TMEM106B: variants seen among roughly 807,000 people sequenced by gnomAD.
TMEM106B encodes transmembrane protein 106B.
In TMEM106B, 15 loss-of-function variants were observed where a neutral mutation model predicts 31.1. The observed-to-expected ratio is 0.48, with a 90% confidence interval of 0.32 to 0.74. The LOEUF is 0.74. Ranked by LOEUF, TMEM106B falls within the 30% of genes least tolerant of loss-of-function variation. The pLI is 0.03. For missense variants in TMEM106B, 283 were observed against 327.3 expected, an observed-to-expected ratio of 0.86 and a Z score of 1.04; for synonymous variants, 126 against 112.5, an observed-to-expected ratio of 1.12 and a Z score of -0.76.
intron 2 of TMEM106B, 51 bp downstream of exon 2, chr7:12,215,078 A>T: frequency 6.6e-7 from 1 of 1,514,998 alleles, no homozygotes; most frequent in Admixed American, 1.9e-5. Flanking sequence ...GTATTTGCTC[A>T]AGTATTATAA....
rs538187488 is a variant in TMEM106B at position 12,233,214 on chromosome 7, A to C, written c.*1239A>C. 1.5e-3 allele frequency: 211 copies of C among 144,462 alleles called. 1 individual carries two copies. Among genetic ancestry groups the C allele is most frequent in the African/African-American group, 5.0e-3 (195 of 39,160 alleles). The allele number at this position is 144,462 out of a possible 1,614,324, so 8.9% of individuals were successfully genotyped here. On this transcript the variant is annotated 3_prime_UTR_variant, in exon 8 of 8. Transcript: ENST00000396668. Reference sequence around the variant, plus strand: ...TTGACTTATTCAACTTTGCTGTTTTATATTTTCAGTATCATTTTTCATTTT... The same window carrying C: ...TTGACTTATTCAACTTTGCTGTTTTCTATTTTCAGTATCATTTTTCATTTT...
At chr7:12,220,837 A>ATG (rs1163296787) in intron 3 of TMEM106B, among the ~76,000 whole-genome samples, 2 of 152,220 alleles carry the variant, frequency 1.3e-5, no homozygotes, top group African/African-American at 4.8e-5. Context: ...ACTGGAAACA[A>ATG]TGTAAATACC....
intron 4 of TMEM106B, among the ~76,000 whole-genome samples, chr7:12,229,181 A>G (rs1040472357): frequency 5.3e-5 from 8 of 152,058 alleles, no homozygotes; most frequent in African/African-American, 1.9e-4. Context: ...ACAGTTGTAA[A>G]TTAGAAATGT....
rs1423017143 is a variant in TMEM106B, at chr7:12,240,382, A to C, written c.*8407A>C. 1.3e-5 allele frequency: 2 copies of C among 152,184 alleles called. No individual in the cohort carries two copies. Among genetic ancestry groups the C allele is most frequent in the Non-Finnish European group, 2.9e-5 (2 of 68,036 alleles). The allele number at this position is 152,184 out of a possible 1,614,324, so 9.4% of individuals were successfully genotyped here. A position where few individuals can be genotyped will look rare whatever the true frequency, so the allele number is the denominator to read the frequency against. ...TTTTCTGAATGTTTACTTTTAAAGG[A>C]GTTGCCCAGTCACAAAGTTTGAGCC... On this transcript the variant is annotated 3_prime_UTR_variant, in exon 8 of 8. Coordinates refer to ENST00000396668, the MANE Select transcript of TMEM106B (RefSeq NM_001134232.2).
In TMEM106B at chr7:12,239,499, G is replaced by C. The variant is rs765268410; in HGVS notation, c.*7524G>C. ...CTTTTCCTTTGCCTTCACAACTTGT[G>C]CAAGAGACCTAGCTTTCAGCCTATC... On this transcript the variant is annotated 3_prime_UTR_variant, in exon 8 of 8. Transcript: ENST00000396668. 1 of 152,114 alleles carries C rather than the reference G, an allele frequency of 6.6e-6. No individual in the cohort carries two copies. Among genetic ancestry groups the C allele is most frequent in the Non-Finnish European group, 1.5e-5 (1 of 68,020 alleles). 9.4% of individuals were successfully genotyped at this position (152,114 alleles called of 1,614,324 possible).
At position 12,234,964 on chromosome 7, in the gene TMEM106B, A is replaced by G. The variant is rs990428693; in HGVS notation, c.*2989A>G. 1 of 151,908 alleles carries G rather than the reference A, an allele frequency of 6.6e-6. No homozygotes were observed. The highest frequency in any genetic ancestry group is 6.6e-5 in the Admixed American group (1 of 15,208). The allele number at this position is 151,908 out of a possible 1,614,324, so 9.4% of individuals were successfully genotyped here. Reference sequence around the variant, plus strand: ...TAGTACAACTGGAGCAAGATCAAGTATCTCTGTCTCCCATATCTGTGTTCT... The same window carrying G: ...TAGTACAACTGGAGCAAGATCAAGTGTCTCTGTCTCCCATATCTGTGTTCT... On this transcript the variant is annotated 3_prime_UTR_variant, in exon 8 of 8. Coordinates refer to ENST00000396668, the MANE Select transcript of TMEM106B (RefSeq NM_001134232.2).
chr7:12,214,793 T>G lies in TMEM106B; in HGVS notation c.-2-16T>G. On this transcript the variant is annotated splice_polypyrimidine_tract_variant and intron_variant, in intron 1 of 7. Transcript: ENST00000396668. ...TTTTCCCTGAAGTTTACTGTAAGAT[T>G]TTTATTTTTCTTTAGACATGGGAAA... The G allele has an allele frequency of 6.3e-7, 1 of 1,579,954 alleles. No individual in the cohort carries two copies. The highest frequency in any genetic ancestry group is 8.6e-7 in the Non-Finnish European group (1 of 1,163,160).
At chr7:12,228,766 A>G (rs1583457043) in intron 4 of TMEM106B, among the ~76,000 whole-genome samples, 1 of 152,182 alleles carries the variant, frequency 6.6e-6, no homozygotes, top group East Asian at 1.9e-4. Context: ...TGTGCCAGGA[A>G]TAGAATTTGG....
Position 12,215,025 on chromosome 7 carries a change from G to T in TMEM106B, c.215G>T (p.Arg72Met). 1 of 1,612,478 alleles carries T rather than the reference G, an allele frequency of 6.2e-7. No homozygotes were observed. Among genetic ancestry groups the T allele is most frequent in the African/African-American group, 1.3e-5 (1 of 74,990 alleles). ...TGTCAGGGAACAGGAAGAATTCCTA[G>T]GGGTATGTGTTATTGTATTGTTTTC... ...PTCQGTGRIPRGQENQLVALI... is the reference protein window; with the variant it reads ...PTCQGTGRIPMGQENQLVALI... The change falls in exon 2 of 8, where the codon AGG (arginine) becomes ATG (methionine). Residue 72 changes from arginine (R) to methionine (M), a missense_variant and splice_region_variant. Arg to Met is a moderately conservative substitution (Grantham distance 91). This residue lies in a region of TMEM106B where 77 missense variants were observed against 89.4 expected (regional missense o/e 0.86). Coordinates refer to ENST00000396668, the MANE Select transcript of TMEM106B (RefSeq NM_001134232.2).
chr7:12,212,902 T>A (rs866582904), intron 1 of TMEM106B, among the ~76,000 whole-genome samples: 4 of 152,242 alleles, frequency 2.6e-5, no homozygotes, highest in Admixed American at 6.5e-5. Context: ...TGTAATCTAT[T>A]TTTAGGAACC....
In TMEM106B at chr7:12,234,743, T is replaced by C. The variant is rs1782095764; in HGVS notation, c.*2768T>C. 6.6e-6 allele frequency: 1 copy of C among 151,828 alleles called. No homozygotes were observed. Among genetic ancestry groups the C allele is most frequent in the Admixed American group, 6.6e-5 (1 of 15,214 alleles). The allele number at this position is 151,828 out of a possible 1,614,324, so 9.4% of individuals were successfully genotyped here. On this transcript the variant is annotated 3_prime_UTR_variant, in exon 8 of 8. Transcript: ENST00000396668. ...TAGTAGACTGGTCATTCTAATAAAA[T>C]CCAGTACTATAACAAACCTCTGTAT...
chr7:12,223,434 C>A (rs73301054), intron 3 of TMEM106B, among the ~76,000 whole-genome samples: 4,444 of 152,072 alleles, frequency 0.029, 156 homozygotes, highest in African/African-American at 0.085. Flanking sequence ...ATCAACCCAT[C>A]CCCTAGGTAT....
At chr7:12,215,718 A>G in intron 2 of TMEM106B, 1 of 231,690 alleles carries the variant, frequency 4.3e-6, no homozygotes, top group Non-Finnish European at 9.9e-6. Context: ...ACGCCTGGCC[A>G]ACCTAATATT....
Position 12,224,262 on chromosome 7 carries a change from A to G in TMEM106B, c.318A>G (p.Leu106=). 1.9e-6 allele frequency: 3 copies of G among 1,613,624 alleles called. No individual in the cohort carries two copies. The highest frequency in any genetic ancestry group is 2.5e-6 in the Non-Finnish European group (3 of 1,179,828). The change falls in exon 4 of 8, where the codon CTA becomes CTG. Residue 106 remains leucine (L), a synonymous_variant. Transcript: ENST00000396668. ...LYVMASVFVC[L]LLSGLAVFFL... is the part of the protein sequence containing the mutation. ...TGATGGCTTCTGTGTTTGTCTGTCT[A>G]CTCCTTTCTGGATTGGCTGTGTTTT...
Position 12,237,876 on chromosome 7 carries a change from C to T in TMEM106B, c.*5901C>T, listed in dbSNP as rs960324414. On this transcript the variant is annotated 3_prime_UTR_variant, in exon 8 of 8. Transcript: ENST00000396668. ...ACACACTATTGCTAAAAAATGTTAA[C>T]GATCATCTGAATGTTCAGAAGTTTA... 11 of 150,686 alleles carry T rather than the reference C, an allele frequency of 7.3e-5. No individual in the cohort carries two copies. The highest frequency in any genetic ancestry group is 6.0e-4 in the East Asian group (3 of 4,976). 9.3% of individuals were successfully genotyped at this position (150,686 alleles called of 1,614,324 possible).
At position 12,236,592 on chromosome 7, in the gene TMEM106B, A is replaced by C. The variant is rs2128529226; in HGVS notation, c.*4617A>C. ...AAGGATTAGTATTGAGCCAGTGGCC[A>C]AAAGGTAATATTACTACCATGTAGA... On this transcript the variant is annotated 3_prime_UTR_variant, in exon 8 of 8. Transcript: ENST00000396668. The C allele has an allele frequency of 6.6e-6, 1 of 152,102 alleles. No homozygotes were observed. The highest frequency in any genetic ancestry group is 1.9e-4 in the East Asian group (1 of 5,174). 9.4% of individuals were successfully genotyped at this position (152,102 alleles called of 1,614,324 possible).
chr7:12,213,917 T>C (rs10234805), intron 1 of TMEM106B, among the ~76,000 whole-genome samples: 76,125 of 151,904 alleles, frequency 0.5, 19,947 homozygotes, highest in East Asian at 0.64. Context: ...AAAAGGTGGG[T>C]GGAGGGGATT....
intron 1 of TMEM106B, among the ~76,000 whole-genome samples, chr7:12,211,813 A>G (rs1781583761): frequency 6.6e-6 from 1 of 152,138 alleles, no homozygotes; most frequent in Non-Finnish European, 1.5e-5. Context: ...CTTAGTTCTC[A>G]AGCCCTTTTA....
rs1229760391 is a variant in TMEM106B, at chr7:12,235,275, T to C, written c.*3300T>C. 1.3e-5 allele frequency: 2 copies of C among 152,330 alleles called. No individual in the cohort carries two copies. The highest frequency in any genetic ancestry group is 2.9e-5 in the Non-Finnish European group (2 of 67,826). The allele number at this position is 152,330 out of a possible 1,614,324, so 9.4% of individuals were successfully genotyped here. The stretch of plus-strand genomic sequence containing the variant: ...ATTATTTATAAATAATAGAGATTAA[T>C]TTATTTGAGATTTGAAATAAGAATA... On this transcript the variant is annotated 3_prime_UTR_variant, in exon 8 of 8. Coordinates refer to ENST00000396668, the MANE Select transcript of TMEM106B (RefSeq NM_001134232.2).
Sources: allele counts gnomAD v4.1 joint callset (sites outside exome capture counted in the v4.1 genomes callset), GRCh38; gene constraint gnomAD v4.1.1; regional missense constraint gnomAD v4.1.1; transcripts MANE v1.5; gene names NCBI Gene and HGNC (gene_info 2026-07-23, HGNC 2026-07-21).